CEP120: variants seen among roughly 807,000 people sequenced by gnomAD.
The protein encoded by CEP120 is centrosomal protein 120.
In CEP120, 113 loss-of-function variants were observed where a neutral mutation model predicts 126.5. That is an observed-to-expected ratio of 0.89 (90% confidence interval 0.77 to 1.04). CEP120 has a LOEUF of 1.04. Ranked by LOEUF, CEP120 falls within the 50% of genes least tolerant of loss-of-function variation. The probability of loss-of-function intolerance (pLI) is 0.00; values close to 1 mark genes in which losing one functional copy is unlikely to be tolerated. For synonymous variants in CEP120, 400 were observed against 394.3 expected, an observed-to-expected ratio of 1.01 and a Z score of -0.17; for missense variants, 1,230 against 1,155.7, an observed-to-expected ratio of 1.06 and a Z score of -0.93.
chr5:123,383,086 C>T lies in CEP120; in HGVS notation c.1764-4G>A. 7.2e-7 allele frequency: 1 copy of T among 1,394,258 alleles called. No homozygotes were observed. Among genetic ancestry groups the T allele is most frequent in the Non-Finnish European group, 1.0e-6 (1 of 1,002,984 alleles). 86.4% of individuals were successfully genotyped at this position (1,394,258 alleles called of 1,614,324 possible). A position where few individuals can be genotyped will look rare whatever the true frequency, so the allele number is the denominator to read the frequency against. ...ATCTGCTATCCTGTTATTTGATCTA[C>T]AAATAAAATAAGAAATACCTTAAAA... On this transcript the variant is annotated splice_region_variant and splice_polypyrimidine_tract_variant and intron_variant, in intron 11 of 19. Coordinates refer to ENST00000306467, the MANE Select transcript of CEP120 (RefSeq NM_001375405.1).
chr5:123,384,525 G>C (rs931549954), intron 11 of CEP120, among the ~76,000 whole-genome samples: 1 of 152,082 alleles, frequency 6.6e-6, no homozygotes, highest in Non-Finnish European at 1.5e-5. Flanking sequence ...AATGTCCTCA[G>C]ACTTTTGATT....
At chr5:123,382,228 C>A in intron 13 of CEP120, 28 bp from the exon 14 acceptor site, 1 of 1,388,488 alleles carries the variant, frequency 7.2e-7, no homozygotes, top group Non-Finnish European at 1.0e-6. Context: ...ATAAAGTCGC[C>A]AAAAAACCCC....
chr5:123,376,160 C>A (rs1350640437), intron 16 of CEP120, among the ~76,000 whole-genome samples: 1 of 151,822 alleles, frequency 6.6e-6, no homozygotes, highest in East Asian at 1.9e-4. Context: ...TATGACATAT[C>A]ATAAAGAAAA....
At position 123,390,076 on chromosome 5, in the gene CEP120, G is replaced by A. The variant is rs778319451; in HGVS notation, c.1103C>T (p.Thr368Ile). 3 of 1,614,048 alleles carry A rather than the reference G, an allele frequency of 1.9e-6. No individual in the cohort carries two copies. Among genetic ancestry groups the A allele is most frequent in the Non-Finnish European group, 1.7e-6 (2 of 1,179,966 alleles). Residue 368 changes from threonine to isoleucine, a missense_variant, in exon 8 of 20, where the codon ACC becomes ATC. Thr to Ile is a moderately conservative substitution (Grantham distance 89, BLOSUM62 -1). Transcript: ENST00000306467. Reference sequence around the variant, plus strand: ...AGTAAGTGTCTTCTCCTTTATGGGGGTTAAAACTTTCTTCTTTGAATGCTC... The same window carrying A: ...AGTAAGTGTCTTCTCCTTTATGGGGATTAAAACTTTCTTCTTTGAATGCTC... ...EPEHSKKKVL[T>I]PIKEKTLTGP...
intron 10 of CEP120, 35 bp downstream of exon 10, chr5:123,386,478 CTTAAA>C (rs747126372): frequency 1.2e-5 from 16 of 1,309,592 alleles, no homozygotes; most frequent in African/African-American, 3.1e-5. Flanking sequence ...CAAGAATTGA[CTTAAA>C]TTAATTAATA....
chr5:123,372,607 A>T (rs755809500), intron 17 of CEP120, 43 bp downstream of exon 17: 2 of 1,564,172 alleles, frequency 1.3e-6, no homozygotes, highest in Admixed American at 1.7e-5. Flanking sequence ...TTTATAAATT[A>T]ATCACTGGGA....
Position 123,372,711 on chromosome 5 carries a change from T to C in CEP120, c.2420A>G (p.Gln807Arg), listed in dbSNP as rs779835288. 3 of 1,611,390 alleles carry C rather than the reference T, an allele frequency of 1.9e-6. No individual in the cohort carries two copies. The highest frequency in any genetic ancestry group is 2.2e-5 in the East Asian group (1 of 44,724). ...LEKEFQQFKDQQNNKPEIRLQ... is the reference protein window; with the variant it reads ...LEKEFQQFKDRQNNKPEIRLQ... ...ACGGATTTCTGGTTTGTTGTTTTGC[T>C]GGTCCTTGAACTGTTGGAACTCTTT... Residue 807 changes from glutamine (Q) to arginine (R), a missense_variant, in exon 17 of 20, where the codon CAG (glutamine) becomes CGG (arginine). Physicochemically the swap from Gln to Arg is conservative, Grantham distance 43 (BLOSUM62 1). Coordinates refer to ENST00000306467, the MANE Select transcript of CEP120 (RefSeq NM_001375405.1).
At chr5:123,369,151 T>A (rs1371345440) in intron 17 of CEP120, among the ~76,000 whole-genome samples, 1 of 151,990 alleles carries the variant, frequency 6.6e-6, no homozygotes, top group African/African-American at 2.4e-5. Context: ...ATAATTTTTT[T>A]CCTTAATGTA....
At chr5:123,362,965 T>G (rs1325945812) in intron 18 of CEP120, among the ~76,000 whole-genome samples, 2 of 151,680 alleles carry the variant, frequency 1.3e-5, no homozygotes, top group East Asian at 3.9e-4. Flanking sequence ...GACCAGACAC[T>G]GAAGCTTGAG....
chr5:123,364,413 G>C lies in CEP120; in HGVS notation c.2580+83C>G, dbSNP rs527268901. The C allele has an allele frequency of 4.6e-5, 35 of 767,348 alleles. No homozygotes were observed. The African/African-American group carries it at 5.1e-4, about 11-fold the overall frequency. 47.5% of individuals were successfully genotyped at this position (767,348 alleles called of 1,614,324 possible). A position where few individuals can be genotyped will look rare whatever the true frequency, so the allele number is the denominator to read the frequency against. ...GCAATATTCAAATGCAGACATCAGA[G>C]CATAACAGATATTGCCAAACATACG... On this transcript the variant is annotated intron_variant, in intron 18 of 19. Coordinates refer to ENST00000306467, the MANE Select transcript of CEP120 (RefSeq NM_001375405.1).
intron 16 of CEP120, among the ~76,000 whole-genome samples, chr5:123,373,383 G>A (rs1770982348): frequency 6.6e-6 from 1 of 152,040 alleles, no homozygotes; most frequent in South Asian, 2.1e-4. Flanking sequence ...ATTAAATCAA[G>A]GAGTGACCGG....
chr5:123,349,619 G>C lies in CEP120; in HGVS notation c.2726+325C>G, dbSNP rs143577451. On this transcript the variant is annotated intron_variant, in intron 19 of 19. Transcript: ENST00000306467. ...TTCACAGGAAAAAAAAAGTTTAATAGTCTTTGGCATAGACTTTTTTTCTTT... is the reference window on the plus strand; with the variant it reads ...TTCACAGGAAAAAAAAAGTTTAATACTCTTTGGCATAGACTTTTTTTCTTT... 1.0e-3 allele frequency among the ~76,000 whole-genome samples: 159 copies of C among 152,114 alleles called. 2 individuals carry two copies. Among genetic ancestry groups the C allele is most frequent in the African/African-American group, 3.5e-3 (144 of 41,512 alleles).
rs544860425 is a variant in CEP120 at position 123,402,529 on chromosome 5, C to T, written c.464-3245G>A. Among the ~76,000 whole-genome samples, 381 of 152,194 alleles carry T rather than the reference C, an allele frequency of 2.5e-3. 4 individuals carry two copies. The highest frequency in any genetic ancestry group is 8.7e-3 in the African/African-American group (362 of 41,518). On this transcript the variant is annotated intron_variant, in intron 4 of 19. Transcript: ENST00000306467. ...CGGATTCAAGCAATTCTGCTGCCTC[C>T]GCCTCCTGAGTAGCTGGGATTACAG...
At chr5:123,359,923 C>T (rs371657320) in intron 18 of CEP120, among the ~76,000 whole-genome samples, 26 of 152,066 alleles carry the variant, frequency 1.7e-4, no homozygotes, top group Middle Eastern at 3.4e-3. Context: ...TATTTCCAAG[C>T]TTTACCAGCT....
chr5:123,396,929 G>C (rs575144182), intron 5 of CEP120, among the ~76,000 whole-genome samples: 1 of 152,348 alleles, frequency 6.6e-6, no homozygotes, highest in Admixed American at 6.5e-5. Context: ...AATATGCAGA[G>C]TGGGTGGCAC....
chr5:123,380,220 T>C (rs1214156599), intron 14 of CEP120, among the ~76,000 whole-genome samples: 1 of 152,108 alleles, frequency 6.6e-6, no homozygotes, highest in African/African-American at 2.4e-5. Flanking sequence ...AACTTTTTTT[T>C]CTCACTACTG....
chr5:123,397,066 G>A (rs1772840748), intron 5 of CEP120, among the ~76,000 whole-genome samples: 1 of 152,206 alleles, frequency 6.6e-6, no homozygotes, highest in Non-Finnish European at 1.5e-5. Context: ...GCTCATGACT[G>A]TAATCCTAGC....
intron 18 of CEP120, among the ~76,000 whole-genome samples, chr5:123,354,972 C>T (rs1426692410): frequency 6.8e-6 from 1 of 146,234 alleles, no homozygotes; most frequent in East Asian, 2.1e-4. Context: ...AGTGTGATGT[C>T]CCCCTTCCTG....
chr5:123,368,799 A>G (rs1219575594), intron 17 of CEP120, among the ~76,000 whole-genome samples: 1 of 151,992 alleles, frequency 6.6e-6, no homozygotes, highest in Admixed American at 6.6e-5. Flanking sequence ...CAGAGGCTAC[A>G]TGATGTATAA....
Sources: allele counts gnomAD v4.1 joint callset (sites outside exome capture counted in the v4.1 genomes callset), GRCh38; gene constraint gnomAD v4.1.1; transcripts MANE v1.5; gene names NCBI Gene and HGNC (gene_info 2026-07-23, HGNC 2026-07-21).